The following ASCC3 variants were observed in gnomAD, a reference collection of about 807,000 sequenced individuals.
ASCC3 encodes the protein ASC-1 complex subunit P200.
ASCC3 carries 158 observed loss-of-function variants against 256.3 expected under a neutral mutation model. The observed-to-expected ratio is 0.62, with a 90% confidence interval of 0.54 to 0.70. ASCC3 has a LOEUF of 0.70. Among genes scored for constraint, ASCC3 ranks in the 30% least tolerant of loss-of-function variants. The pLI is 0.00. For synonymous variants in ASCC3, 948 were observed against 883.4 expected, an observed-to-expected ratio of 1.07 and a Z score of -1.30; for missense variants, 2,259 against 2,626.0, an observed-to-expected ratio of 0.86 and a Z score of 3.05.
chr6:100,547,145 T>A (rs1434940018), intron 36 of ASCC3, among the ~76,000 whole-genome samples: 1 of 152,022 alleles, frequency 6.6e-6, no homozygotes, highest in Non-Finnish European at 1.5e-5. Flanking sequence ...TTTCAAGAAG[T>A]GGTAGTAGAA....
At chr6:100,638,399 G>A (rs1774948849) in intron 25 of ASCC3, among the ~76,000 whole-genome samples, 1 of 152,070 alleles carries the variant, frequency 6.6e-6, no homozygotes, top group Non-Finnish European at 1.5e-5. Flanking sequence ...TTGCTTTATT[G>A]TGACATTCAC....
chr6:100,835,366 A>G (rs1771824177), intron 4 of ASCC3, among the ~76,000 whole-genome samples: 1 of 152,112 alleles, frequency 6.6e-6, no homozygotes, highest in Non-Finnish European at 1.5e-5. Context: ...CAATGTCAAG[A>G]AGCATTTCTC....
intron 10 of ASCC3, among the ~76,000 whole-genome samples, chr6:100,733,179 G>C (rs1244892168): frequency 6.6e-6 from 1 of 152,154 alleles, no homozygotes. Flanking sequence ...AGAGACAAAA[G>C]AGAACCTCAA....
intron 16 of ASCC3, among the ~76,000 whole-genome samples, chr6:100,658,099 T>C (rs239229): frequency 0.56 from 85,123 of 151,182 alleles, 24,190 homozygotes; most frequent in East Asian, 0.72. Context: ...CAGAGTCACA[T>C]GGAGGTGAGA....
chr6:100,640,301 G>C (rs1442727727), intron 24 of ASCC3, among the ~76,000 whole-genome samples: 1 of 152,154 alleles, frequency 6.6e-6, no homozygotes, highest in Non-Finnish European at 1.5e-5. Context: ...ATTAGTGAAA[G>C]ATGAAGGTTT....
intron 4 of ASCC3, among the ~76,000 whole-genome samples, chr6:100,821,245 G>A (rs1443890707): frequency 6.6e-6 from 1 of 152,044 alleles, no homozygotes; most frequent in African/African-American, 2.4e-5. Flanking sequence ...CAAACTCCTG[G>A]CCTCAAGCAA....
At chr6:100,865,953 C>CATTTATTTATTTATTT (rs59777780) in intron 2 of ASCC3, among the ~76,000 whole-genome samples, 2,188 of 148,822 alleles carry the variant, frequency 0.015, 46 homozygotes, top group East Asian at 0.087. Context: ...TAAATAATTT[C>CATTTATTTATTTATTT]ATTTATTTAT....
At chr6:100,719,501 G>A (rs545658601) in intron 11 of ASCC3, among the ~76,000 whole-genome samples, 1 of 152,072 alleles carries the variant, frequency 6.6e-6, no homozygotes, top group East Asian at 1.9e-4. Context: ...GTTGTTTGAT[G>A]TTAAAGACAC....
chr6:100,511,691 C>T (rs532019217), intron 40 of ASCC3, among the ~76,000 whole-genome samples: 10 of 151,824 alleles, frequency 6.6e-5, no homozygotes, highest in Non-Finnish European at 1.2e-4. Flanking sequence ...CAAGTCTGGG[C>T]GACACAGTGA....
chr6:100,759,646 T>C (rs1461370068), intron 10 of ASCC3, among the ~76,000 whole-genome samples: 3 of 152,226 alleles, frequency 2.0e-5, no homozygotes, highest in African/African-American at 4.8e-5. Context: ...CAGGGTCTTC[T>C]TTGATTCCAT....
intron 8 of ASCC3, among the ~76,000 whole-genome samples, chr6:100,777,755 T>C (rs72945178): frequency 0.04 from 6,014 of 152,116 alleles, 146 homozygotes; most frequent in African/African-American, 0.057. Context: ...GTACAGAGAT[T>C]AGAGTGGCTG....
At chr6:100,662,184 A>C (rs1776255142) in intron 15 of ASCC3, among the ~76,000 whole-genome samples, 154 bp from the exon 16 acceptor site, 1 of 151,974 alleles carries the variant, frequency 6.6e-6, no homozygotes, top group African/African-American at 2.4e-5. Context: ...TTTTCACAAT[A>C]TAAACTAGAT....
At chr6:100,521,650 A>G (rs1263589014) in intron 37 of ASCC3, among the ~76,000 whole-genome samples, 1 of 152,200 alleles carries the variant, frequency 6.6e-6, no homozygotes, top group East Asian at 1.9e-4. Context: ...GTTGTACAAG[A>G]TGGCAGGGAA....
At chr6:100,832,333 T>C (rs1168597616) in intron 4 of ASCC3, among the ~76,000 whole-genome samples, 2 of 152,116 alleles carry the variant, frequency 1.3e-5, no homozygotes, top group South Asian at 2.1e-4. Flanking sequence ...TAGAATGTAA[T>C]TGCCAACAAA....
At position 100,655,759 on chromosome 6, in the gene ASCC3, A is replaced by G. The variant is rs146907805; in HGVS notation, c.2763T>C (p.Tyr921=). 1.2e-5 allele frequency: 20 copies of G among 1,611,878 alleles called. No homozygotes were observed. Among genetic ancestry groups the G allele is most frequent in the Non-Finnish European group, 1.5e-5 (18 of 1,178,948 alleles). Residue 921 remains tyrosine, a synonymous_variant, in exon 17 of 42, where the codon TAT becomes TAC. Coordinates refer to ENST00000369162, the MANE Select transcript of ASCC3 (RefSeq NM_006828.4). ...EEAVKWISYT[Y]LYVRMRANPL... is the part of the protein sequence containing the mutation. ...GATTTGCTCTCATCCGTACATAAAG[A>G]TAAGTGTAACTTATCCACTTCACTG...
At chr6:100,609,571 A>C (rs1049996981) in intron 30 of ASCC3, among the ~76,000 whole-genome samples, 3 of 152,132 alleles carry the variant, frequency 2.0e-5, no homozygotes, top group Non-Finnish European at 4.4e-5. Context: ...TGGGAAGAAA[A>C]AGCAAATCTT....
At chr6:100,858,995 T>C in intron 3 of ASCC3, 1 of 694,306 alleles carries the variant, frequency 1.4e-6, no homozygotes, top group Non-Finnish European at 2.7e-6. Context: ...ATTAAAGCCA[T>C]CATAGCATAT....
chr6:100,681,460 GGCTCACACCT>G (rs1562222129), intron 13 of ASCC3, among the ~76,000 whole-genome samples: 1 of 151,974 alleles, frequency 6.6e-6, no homozygotes, highest in African/African-American at 2.4e-5. Context: ...TGGGCGTGGT[GGCTCACACCT>G]GTAATCCCAG....
chr6:100,807,906 T>C lies in ASCC3; in HGVS notation c.802-2026A>G, dbSNP rs1770269109. 5.3e-5 allele frequency among the ~76,000 whole-genome samples: 8 copies of C among 152,014 alleles called. No individual in the cohort carries two copies. The South Asian group carries it at 1.7e-3, about 31-fold the overall frequency. On this transcript the variant is annotated intron_variant, in intron 4 of 41. Coordinates refer to ENST00000369162, the MANE Select transcript of ASCC3 (RefSeq NM_006828.4). ...TGTATAAAATTGCTAGTGAAGAGGC[T>C]TTCTATGTAACATCATTTTGATTTG...
Sources: allele counts gnomAD v4.1 joint callset (sites outside exome capture counted in the v4.1 genomes callset), GRCh38; gene constraint gnomAD v4.1.1; transcripts MANE v1.5; gene names NCBI Gene and HGNC (gene_info 2026-07-23, HGNC 2026-07-21).